JHY: variants seen among roughly 807,000 people sequenced by gnomAD.
JHY encodes the protein jhy protein homolog.
Under a neutral mutation model 78.0 loss-of-function variants are expected in JHY, and 69 were observed. The observed-to-expected ratio is 0.88, with a 90% CI of 0.73 to 1.08. The LOEUF is 1.08. JHY is among the 50% of genes least tolerant of loss of function. The pLI, the probability that JHY is intolerant of heterozygous loss-of-function variation, is 0.00. For missense variants in JHY, 944 were observed against 927.8 expected, an observed-to-expected ratio of 1.02 and a Z score of -0.23; for synonymous variants, 368 against 342.6, an observed-to-expected ratio of 1.07 and a Z score of -0.82.
chr11:122,904,371 G>T lies in JHY; in HGVS notation c.791G>T (p.Gly264Val). Reference protein sequence around the residue: ...HFVEKNKLTLGLPTPKTDSYL... With the variant: ...HFVEKNKLTLVLPTPKTDSYL... ...GTGGAAAAAAACAAGCTCACTTTGG[G>T]ATTACCCACCCCGAAAACGGACTCT... The change falls in exon 3 of 9, where the codon GGA becomes GTA. Residue 264 changes from glycine (G) to valine (V), a missense_variant. Transcript: ENST00000227349. 1 of 1,614,068 alleles carries T rather than the reference G, an allele frequency of 6.2e-7. No individual in the cohort carries two copies. The highest frequency in any genetic ancestry group is 8.5e-7 in the Non-Finnish European group (1 of 1,180,022).
rs542459416 is a variant in JHY, at chr11:122,929,593, G to T, written c.978+4583G>T. 1.7e-3 allele frequency among the ~76,000 whole-genome samples: 258 copies of T among 152,276 alleles called. 1 individual carries two copies. Among genetic ancestry groups the T allele is most frequent in the African/African-American group, 5.4e-3 (223 of 41,544 alleles). ...CAGGACTCAGACTGGAGAAGAGATT[G>T]TTCGCAATCTAAGCAGGTACCCAGC... On this transcript the variant is annotated intron_variant, in intron 4 of 8. Transcript: ENST00000227349.
rs577396106 is a variant in JHY, at chr11:122,934,703, A to T, written c.1262A>T (p.Asn421Ile). The change falls in exon 5 of 9, where the codon AAC becomes ATC. Residue 421 changes from asparagine (N) to isoleucine (I), a missense_variant. Asn to Ile is a moderately radical substitution (Grantham distance 149, BLOSUM62 -3). Coordinates refer to ENST00000227349, the MANE Select transcript of JHY (RefSeq NM_024806.4). ...TCGATTGTGATTATGCATGCCTCTA[A>T]CAATGATGTACAAGCCTCAAGGGCA... ...PESIVIMHAS[N>I]NDVQASRALR... 3 of 1,614,192 alleles carry T rather than the reference A, an allele frequency of 1.9e-6. No individual in the cohort carries two copies. The South Asian group carries it at 3.3e-5, about 18-fold the overall frequency.
intron 4 of JHY, among the ~76,000 whole-genome samples, chr11:122,926,771 C>T (rs1363822687): frequency 6.6e-6 from 1 of 152,212 alleles, no homozygotes; most frequent in African/African-American, 2.4e-5. Flanking sequence ...CTGCCATTTA[C>T]TTGATTCATG....
chr11:122,927,920 G>T (rs1433044049), intron 4 of JHY, among the ~76,000 whole-genome samples: 4 of 151,764 alleles, frequency 2.6e-5, no homozygotes. Flanking sequence ...TAGTAGAGAT[G>T]GGGTTTCACC....
intron 3 of JHY, among the ~76,000 whole-genome samples, chr11:122,908,227 A>G (rs1863036184): frequency 6.6e-6 from 1 of 152,152 alleles, no homozygotes; most frequent in East Asian, 1.9e-4. Context: ...TGGAGGGCTT[A>G]TTTAAAAAGC....
At chr11:122,906,063 GT>G (rs1255962777) in intron 3 of JHY, among the ~76,000 whole-genome samples, 1 of 152,020 alleles carries the variant, frequency 6.6e-6, no homozygotes, top group Admixed American at 6.6e-5. Flanking sequence ...AATTCAAGCA[GT>G]TTTTAGTATT....
intron 5 of JHY, among the ~76,000 whole-genome samples, chr11:122,942,475 G>A (rs1863892863): frequency 6.6e-6 from 1 of 152,142 alleles, no homozygotes; most frequent in Non-Finnish European, 1.5e-5. Flanking sequence ...CCAGGCTGGA[G>A]TGCATTGGCA....
At chr11:122,918,360 T>C (rs1023766685) in intron 3 of JHY, among the ~76,000 whole-genome samples, 1 of 130,900 alleles carries the variant, frequency 7.6e-6, no homozygotes, top group Admixed American at 8.0e-5. Flanking sequence ...TGATAAGTTT[T>C]ATATTTTAAG....
intron 5 of JHY, among the ~76,000 whole-genome samples, chr11:122,940,560 A>G (rs1325275900): frequency 6.6e-6 from 1 of 152,108 alleles, no homozygotes; most frequent in East Asian, 1.9e-4. Context: ...GCTAAGTTAA[A>G]CCTTTTGATT....
intron 6 of JHY, 126 bp downstream of exon 6, chr11:122,946,918 A>T: frequency 9.0e-7 from 1 of 1,114,062 alleles, no homozygotes; most frequent in Non-Finnish European, 1.3e-6. Context: ...GGTCGCCCAG[A>T]GTCCTAAGGA....
rs951708160 is a variant in JHY at position 122,961,480 on chromosome 11, G to A, written c.*2035G>A. Reference sequence around the variant, plus strand: ...AGCAATTCTCCTGTCTCAGCCTCCCGAGTAGCCGAGATTGCAAGCGTGCAC... The same window carrying A: ...AGCAATTCTCCTGTCTCAGCCTCCCAAGTAGCCGAGATTGCAAGCGTGCAC... On this transcript the variant is annotated 3_prime_UTR_variant, in exon 9 of 9. Coordinates refer to ENST00000227349, the MANE Select transcript of JHY (RefSeq NM_024806.4). Among the ~76,000 whole-genome samples, 3 of 152,002 alleles carry A rather than the reference G, an allele frequency of 2.0e-5. No homozygotes were observed. Among genetic ancestry groups the A allele is most frequent in the East Asian group, 1.9e-4 (1 of 5,168 alleles).
At chr11:122,954,524 C>T (rs889998090) in intron 6 of JHY, among the ~76,000 whole-genome samples, 3 of 152,144 alleles carry the variant, frequency 2.0e-5, no homozygotes, top group Non-Finnish European at 4.4e-5. Flanking sequence ...ATAATTATAC[C>T]TAATATGAGA....
At position 122,930,539 on chromosome 11, in the gene JHY, T is replaced by A. The variant is rs529140036; in HGVS notation, c.979-3881T>A. The stretch of plus-strand genomic sequence containing the variant: ...ATATGCCTGAGACCATTTCAGCCTA[T>A]GTATTTTTACTTTAAAAATACTGAG... On this transcript the variant is annotated intron_variant, in intron 4 of 8. Coordinates refer to ENST00000227349, the MANE Select transcript of JHY (RefSeq NM_024806.4). Among the ~76,000 whole-genome samples the A allele has an allele frequency of 8.3e-4, 126 of 152,350 alleles. 1 individual carries two copies. Among genetic ancestry groups the A allele is most frequent in the African/African-American group, 2.8e-3 (116 of 41,588 alleles).
rs1863701018 is a variant in JHY, at chr11:122,934,353, T to TA, written c.979-65dup. The TA allele has an allele frequency of 3.8e-5, 24 of 634,104 alleles. No individual in the cohort carries two copies. The East Asian group carries it at 8.9e-4, about 23-fold the overall frequency. 39.3% of individuals were successfully genotyped at this position (634,104 alleles called of 1,614,324 possible). On this transcript the variant is annotated intron_variant, in intron 4 of 8. Coordinates refer to ENST00000227349, the MANE Select transcript of JHY (RefSeq NM_024806.4). ...ATAAATAAATAAATAAATAAATAAA[T>TA]AATAAAATAAAATTTGTGAAGAGTG...
In JHY at chr11:122,955,281, C is replaced by T. The variant is rs183691594; in HGVS notation, c.1930-1215C>T. Among the ~76,000 whole-genome samples the T allele has an allele frequency of 1.1e-3, 168 of 152,168 alleles. 2 individuals carry two copies. In the South Asian group the frequency reaches 0.031, roughly 28 times the overall value. ...GATTACAGGTGCCTGCCACCACGCCCACCTAATTTTTGTATTTTTAGTAGG... is the reference window on the plus strand; with the variant it reads ...GATTACAGGTGCCTGCCACCACGCCTACCTAATTTTTGTATTTTTAGTAGG... On this transcript the variant is annotated intron_variant, in intron 6 of 8. Transcript: ENST00000227349.
intron 2 of JHY, among the ~76,000 whole-genome samples, chr11:122,889,333 G>C (rs147050720): frequency 6.6e-6 from 1 of 152,114 alleles, no homozygotes; most frequent in Admixed American, 6.6e-5. Context: ...CGTATCCATG[G>C]TTTCGCATCT....
intron 6 of JHY, among the ~76,000 whole-genome samples, chr11:122,952,839 T>C (rs1028698834): frequency 3.9e-5 from 6 of 152,234 alleles, no homozygotes; most frequent in African/African-American, 1.4e-4. Flanking sequence ...TTTTAATCAT[T>C]GGTTTACTTT....
At chr11:122,939,456 C>T (rs1271782759) in intron 5 of JHY, among the ~76,000 whole-genome samples, 1 of 152,158 alleles carries the variant, frequency 6.6e-6, no homozygotes, top group Non-Finnish European at 1.5e-5. Flanking sequence ...TTTTTTGAGT[C>T]TGCTAAGATA....
intron 2 of JHY, among the ~76,000 whole-genome samples, chr11:122,899,170 C>T (rs762107001): frequency 4.6e-5 from 7 of 152,144 alleles, no homozygotes; most frequent in Admixed American, 6.6e-5. Flanking sequence ...GCTGTGTGTC[C>T]GCTGCTTCAC....
Sources: gnomAD v4.1 joint callset for allele counts (sites outside exome capture counted in the v4.1 genomes callset) on GRCh38, gnomAD v4.1.1 for gene constraint, MANE v1.5 for transcripts, NCBI Gene and HGNC (gene_info 2026-07-23, HGNC 2026-07-21) for gene names.